The following ARHGAP32 variants were observed in gnomAD, a reference collection of about 807,000 sequenced individuals.
The protein encoded by ARHGAP32 is rho GTPase-activating protein 32.
Under a neutral mutation model 186.5 loss-of-function variants are expected in ARHGAP32, and 51 were observed. The ratio of observed to expected loss-of-function variants is 0.27; its 90% CI spans 0.22 to 0.35. ARHGAP32 has a LOEUF of 0.35. ARHGAP32 is among the 10% of genes least tolerant of loss of function. The pLI is 1.00. For synonymous variants in ARHGAP32, 950 were observed against 964.3 expected (o/e 0.99, Z 0.27); for missense variants, 2,186 against 2,623.5 (o/e 0.83, Z 3.64).
At chr11:129,260,581 G>C (rs1379448298) in intron 1 of ARHGAP32, among the ~76,000 whole-genome samples, 2 of 151,984 alleles carry the variant, frequency 1.3e-5, no homozygotes, top group Non-Finnish European at 2.9e-5. Flanking sequence ...AAACACCTTA[G>C]TATGATCATG....
At chr11:129,052,833 GCTGA>G (rs1456257597) in intron 10 of ARHGAP32, among the ~76,000 whole-genome samples, 2 of 151,878 alleles carry the variant, frequency 1.3e-5, no homozygotes, top group South Asian at 2.1e-4. Context: ...GAAAATTTAT[GCTGA>G]CTTTTTTGAA....
intron 19 of ARHGAP32, among the ~76,000 whole-genome samples, chr11:128,977,876 T>C (rs977709476): frequency 2.0e-5 from 3 of 147,314 alleles, no homozygotes; most frequent in Non-Finnish European, 4.5e-5. Flanking sequence ...ATTATTATTA[T>C]TATTATTATT....
intron 12 of ARHGAP32, among the ~76,000 whole-genome samples, chr11:128,988,886 A>G (rs772837463): frequency 1.2e-4 from 19 of 152,228 alleles, no homozygotes; most frequent in Non-Finnish European, 2.6e-4. Context: ...AACCATTCAA[A>G]CATTTACAGC....
At chr11:129,250,549 C>A (rs1017420809) in intron 1 of ARHGAP32, among the ~76,000 whole-genome samples, 4 of 152,172 alleles carry the variant, frequency 2.6e-5, no homozygotes, top group Non-Finnish European at 5.9e-5. Flanking sequence ...TTTTAATAAA[C>A]CATACTTTGA....
Position 128,980,378 on chromosome 11 carries a change from A to G in ARHGAP32, c.1976+175T>C, listed in dbSNP as rs1945673312. ...ACATTGTAAAGCAAGAATCATTTGC[A>G]TCATTCCCCATGAAGCGGTAAGTAT... On this transcript the variant is annotated intron_variant, in intron 18 of 22. Transcript: ENST00000682385. 6 of 468,632 alleles carry G rather than the reference A, an allele frequency of 1.3e-5. 1 individual carries two copies. The South Asian group carries it at 2.8e-4, about 22-fold the overall frequency. The allele number at this position is 468,632 out of a possible 1,614,324, so 29.0% of individuals were successfully genotyped here.
intron 1 of ARHGAP32, among the ~76,000 whole-genome samples, chr11:129,274,449 G>A (rs904478726): frequency 1.3e-5 from 2 of 152,076 alleles, no homozygotes; most frequent in Admixed American, 6.6e-5. Context: ...AGGACAGCGT[G>A]GGAACATCAG....
intron 1 of ARHGAP32, among the ~76,000 whole-genome samples, chr11:129,164,888 T>C (rs1331968480): frequency 6.6e-6 from 1 of 152,130 alleles, no homozygotes; most frequent in Non-Finnish European, 1.5e-5. Flanking sequence ...ACTATGAATG[T>C]TGGGCAAAAC....
chr11:129,144,151 CTT>C (rs1358038165), intron 2 of ARHGAP32, among the ~76,000 whole-genome samples: 4 of 152,130 alleles, frequency 2.6e-5, no homozygotes, highest in Admixed American at 6.6e-5. Flanking sequence ...ACAAAATAGA[CTT>C]AATGCTAAAA....
At position 128,980,730 on chromosome 11, in the gene ARHGAP32, T is replaced by C. The variant is rs1192172080; in HGVS notation, c.1799A>G (p.Lys600Arg). ...GGATGGAGAGGATACCAGGAGGGAC[T>C]TGGGCCTTGATAGAGAAGCTTCAAA... is the stretch of plus-strand genomic sequence containing the variant. ...QEGAASLSRP[K>R]SLLVSSPSTK... The change falls in exon 18 of 23, where the codon AAG becomes AGG. Residue 600 changes from lysine to arginine, a missense_variant. Coordinates refer to ENST00000682385, the MANE Select transcript of ARHGAP32 (RefSeq NM_001378024.1). 7.5e-6 allele frequency: 12 copies of C among 1,610,496 alleles called. No homozygotes were observed. Among genetic ancestry groups the C allele is most frequent in the Non-Finnish European group, 1.0e-5 (12 of 1,178,778 alleles).
intron 1 of ARHGAP32, among the ~76,000 whole-genome samples, chr11:129,253,414 C>T (rs1292379964): frequency 1.3e-5 from 2 of 152,094 alleles, no homozygotes; most frequent in African/African-American, 4.8e-5. Flanking sequence ...ATTTTAGATG[C>T]TCTTGTTTCC....
chr11:129,113,305 C>G (rs1368231748), intron 5 of ARHGAP32, among the ~76,000 whole-genome samples: 1 of 152,124 alleles, frequency 6.6e-6, no homozygotes, highest in African/African-American at 2.4e-5. Context: ...ACAATAGCAA[C>G]AGGAGGTGGC....
chr11:129,136,005 C>A (rs1254487936), intron 2 of ARHGAP32, among the ~76,000 whole-genome samples: 3 of 151,958 alleles, frequency 2.0e-5, no homozygotes, highest in African/African-American at 7.3e-5. Flanking sequence ...TTCTGATTAC[C>A]AAATGATAAA....
At chr11:129,107,281 T>G (rs920855511) in intron 5 of ARHGAP32, among the ~76,000 whole-genome samples, 1 of 151,480 alleles carries the variant, frequency 6.6e-6, no homozygotes, top group Admixed American at 6.6e-5. Flanking sequence ...ACTGAAAGAG[T>G]TGACCAACAC....
intron 6 of ARHGAP32, among the ~76,000 whole-genome samples, chr11:129,070,412 T>C (rs1249824979): frequency 6.6e-6 from 1 of 152,048 alleles, no homozygotes; most frequent in Non-Finnish European, 1.5e-5. Context: ...ATTAGTTTGG[T>C]TAAATTGTTA....
At chr11:129,176,818 C>T (rs1415441957) in intron 1 of ARHGAP32, among the ~76,000 whole-genome samples, 5 of 151,840 alleles carry the variant, frequency 3.3e-5, no homozygotes, top group Admixed American at 2.6e-4. Context: ...GCACTAAATG[C>T]CCACAAGAGA....
intron 12 of ARHGAP32, among the ~76,000 whole-genome samples, chr11:128,995,714 C>G (rs1946181398): frequency 6.6e-6 from 1 of 152,170 alleles, no homozygotes; most frequent in African/African-American, 2.4e-5. Context: ...TGGTGCATGC[C>G]TATAGTCCCA....
chr11:129,076,604 GAA>G (rs1941051680), intron 6 of ARHGAP32, among the ~76,000 whole-genome samples: 1 of 152,252 alleles, frequency 6.6e-6, no homozygotes, highest in East Asian at 1.9e-4. Flanking sequence ...AATCTCAAGA[GAA>G]ATTACTAAAT....
At chr11:128,971,700 T>G (rs1386881352) in intron 22 of ARHGAP32, 1 of 152,974 alleles carries the variant, frequency 6.5e-6, no homozygotes, top group Admixed American at 6.5e-5. Flanking sequence ...CCAAAGATAA[T>G]CCTCATACTG....
At chr11:129,036,419 T>A in intron 11 of ARHGAP32, among the ~76,000 whole-genome samples, 1 of 145,564 alleles carries the variant, frequency 6.9e-6, no homozygotes, top group Non-Finnish European at 1.5e-5. Flanking sequence ...GAGAAAGCAC[T>A]TGATTGATAC....
Sources: allele counts gnomAD v4.1 joint callset (sites outside exome capture counted in the v4.1 genomes callset), GRCh38; gene constraint gnomAD v4.1.1; transcripts MANE v1.5; gene names NCBI Gene and HGNC (gene_info 2026-07-23, HGNC 2026-07-21).